The following RND3 variants were observed in gnomAD, a reference collection of about 807,000 sequenced individuals.
RND3 encodes rho-related GTP-binding protein RhoE.
A neutral mutation model predicts 26.5 loss-of-function variants in RND3; 8 were observed. The ratio of observed to expected loss-of-function variants is 0.30; its 90% CI spans 0.18 to 0.54. RND3 has a LOEUF of 0.54. Among genes scored for constraint, RND3 ranks in the 20% least tolerant of loss-of-function variants. The pLI is 0.94. For missense variants in RND3, 207 were observed against 302.8 expected, an observed-to-expected ratio of 0.68 and a Z score of 2.35; for synonymous variants, 113 against 113.0, an observed-to-expected ratio of 1.00 and a Z score of 0.00.
Position 150,474,779 on chromosome 2 carries a change from G to A in RND3, c.348+96C>T, listed in dbSNP as rs59994976. On this transcript the variant is annotated intron_variant, in intron 4 of 5. Coordinates refer to ENST00000263895, the MANE Select transcript of RND3 (RefSeq NM_005168.5). ...TGTTTAATTACAAATTGTAAGGCAG[G>A]GAATTGATTAGAGTCTTTGAGCTTC... is the stretch of plus-strand genomic sequence containing the variant. 3 of 626,198 alleles carry A rather than the reference G, an allele frequency of 4.8e-6. No individual in the cohort carries two copies. In the East Asian group the frequency reaches 8.8e-5, roughly 18 times the overall value. 38.8% of individuals were successfully genotyped at this position (626,198 alleles called of 1,614,324 possible).
At chr2:150,472,793 G>T (rs1264345131) in intron 4 of RND3, among the ~76,000 whole-genome samples, 1 of 152,076 alleles carries the variant, frequency 6.6e-6, no homozygotes, top group Admixed American at 6.6e-5. Flanking sequence ...AGAATACTGG[G>T]GGTGATGAAG....
chr2:150,482,735 G>GGGGGGGGGGGGGGGGGC (rs1686296666), intron 3 of RND3, among the ~76,000 whole-genome samples: 1 of 133,644 alleles, frequency 7.5e-6, no homozygotes, highest in African/African-American at 2.8e-5. Context: ...GGGTGGGGGG[G>GGGGGGGGGGGGGGGGGC]GCGGTGCGGG....
At chr2:150,474,733 G>T in intron 4 of RND3, 142 bp downstream of exon 4, 2 of 483,542 alleles carry the variant, frequency 4.1e-6, no homozygotes, top group Admixed American at 7.5e-5. Flanking sequence ...CCCCATTTTG[G>T]TGTGAAAGGG....
intron 3 of RND3, among the ~76,000 whole-genome samples, chr2:150,478,137 AG>A (rs1331084327): frequency 1.3e-5 from 2 of 152,128 alleles, no homozygotes; most frequent in African/African-American, 4.8e-5. Flanking sequence ...AGAATTATCA[AG>A]AACTGTCCCA....
chr2:150,469,883 G>T lies in RND3; in HGVS notation c.*104C>A. ...CCTCTCAAACGCCTCCTAAGCCTCTGGTATACATGACTTTGGCTGTGCACT... is the reference window on the plus strand; with the variant it reads ...CCTCTCAAACGCCTCCTAAGCCTCTTGTATACATGACTTTGGCTGTGCACT... On this transcript the variant is annotated 3_prime_UTR_variant, in exon 6 of 6. Coordinates refer to ENST00000263895, the MANE Select transcript of RND3 (RefSeq NM_005168.5). 7.5e-7 allele frequency: 1 copy of T among 1,341,842 alleles called. No individual in the cohort carries two copies. The allele number at this position is 1,341,842 out of a possible 1,614,324, so 83.1% of individuals were successfully genotyped here. A position where few individuals can be genotyped will look rare whatever the true frequency, so the allele number is the denominator to read the frequency against.
At chr2:150,484,949 A>G (rs886781219) in intron 3 of RND3, among the ~76,000 whole-genome samples, 1 of 152,194 alleles carries the variant, frequency 6.6e-6, no homozygotes, top group African/African-American at 2.4e-5. Flanking sequence ...TCGGTACCAC[A>G]CCAGCTGTGC....
Position 150,468,730 on chromosome 2 carries a change from A to G in RND3, c.*1257T>C, listed in dbSNP as rs1686033886. The G allele has an allele frequency of 1.3e-5, 2 of 152,628 alleles. No individual in the cohort carries two copies. Among genetic ancestry groups the G allele is most frequent in the African/African-American group, 4.8e-5 (2 of 41,456 alleles). 9.5% of individuals were successfully genotyped at this position (152,628 alleles called of 1,614,324 possible). A position where few individuals can be genotyped will look rare whatever the true frequency, so the allele number is the denominator to read the frequency against. ...TATCTGTAAACTATTTTAAATGCTT[A>G]TTATTTTACGTAACAACAGAGACCA... On this transcript the variant is annotated 3_prime_UTR_variant, in exon 6 of 6. Transcript: ENST00000263895.
chr2:150,486,726 T>C lies in RND3; in HGVS notation c.206A>G (p.Gln69Arg). 6.2e-7 allele frequency: 1 copy of C among 1,613,858 alleles called. No individual in the cohort carries two copies. The highest frequency in any genetic ancestry group is 8.5e-7 in the Non-Finnish European group (1 of 1,179,688). Residue 69 changes from glutamine to arginine, a missense_variant, in exon 3 of 6, where the codon CAA becomes CGA. Transcript: ENST00000263895. The surrounding 1 kb of genome is among the most constrained non-coding windows in gnomAD (Gnocchi z 4.5). The part of the protein sequence containing the change: ...NYTASFEIDT[Q>R]RIELSLWDTS... Reference sequence around the variant, plus strand: ...GTCCCACAGGCTCAACTCTATTCTTTGTGTGTCGATTTCAAAACTGGCCGT... The same window carrying C: ...GTCCCACAGGCTCAACTCTATTCTTCGTGTGTCGATTTCAAAACTGGCCGT...
chr2:150,477,934 G>A (rs1007736145), intron 3 of RND3, among the ~76,000 whole-genome samples: 1 of 152,190 alleles, frequency 6.6e-6, no homozygotes, highest in East Asian at 1.9e-4. Flanking sequence ...ATCAACACGA[G>A]TGTCCAAAGG....
At chr2:150,484,329 A>G (rs924713304) in intron 3 of RND3, among the ~76,000 whole-genome samples, 4 of 152,204 alleles carry the variant, frequency 2.6e-5, no homozygotes, top group African/African-American at 9.7e-5. Flanking sequence ...AACTGCCCAC[A>G]TTTTGGTTTA....
intron 3 of RND3, among the ~76,000 whole-genome samples, chr2:150,477,056 A>T (rs1294869796): frequency 6.6e-6 from 1 of 152,120 alleles, no homozygotes; most frequent in Non-Finnish European, 1.5e-5. Context: ...TATAAATGAG[A>T]GTTTCCTCTA....
chr2:150,479,292 C>T (rs906908473), intron 3 of RND3, among the ~76,000 whole-genome samples: 2 of 152,062 alleles, frequency 1.3e-5, no homozygotes, highest in African/African-American at 4.8e-5. Context: ...CTGAAGTCAC[C>T]CTTTCGCAAA....
chr2:150,480,653 G>A (rs1456785374), intron 3 of RND3, among the ~76,000 whole-genome samples: 4 of 125,292 alleles, frequency 3.2e-5, no homozygotes, highest in Admixed American at 9.4e-5. Context: ...CACTAAATGC[G>A]GCTAAAAAAA....
intron 3 of RND3, among the ~76,000 whole-genome samples, chr2:150,481,249 C>CT (rs1686265038): frequency 1.3e-5 from 2 of 152,166 alleles, no homozygotes. Context: ...CTCTTTGGAT[C>CT]TTGTTGCTCC....
In RND3 at chr2:150,478,921, G is replaced by A. The variant is rs943365225; in HGVS notation, c.239-3937C>T. Among the ~76,000 whole-genome samples the A allele has an allele frequency of 2.1e-4, 32 of 152,054 alleles. 1 individual carries two copies. The highest frequency in any genetic ancestry group is 7.5e-4 in the African/African-American group (31 of 41,398). Reference sequence around the variant, plus strand: ...GGTACTATATGAAACTTTTAAGCTCGCAACCCTATTCCAAGGTCCTTTTTA... The same window carrying A: ...GGTACTATATGAAACTTTTAAGCTCACAACCCTATTCCAAGGTCCTTTTTA... On this transcript the variant is annotated intron_variant, in intron 3 of 5. Coordinates refer to ENST00000263895, the MANE Select transcript of RND3 (RefSeq NM_005168.5).
chr2:150,478,563 C>T (rs916999256), intron 3 of RND3, among the ~76,000 whole-genome samples: 2 of 119,892 alleles, frequency 1.7e-5, no homozygotes, highest in African/African-American at 7.2e-5. Context: ...TTACAACACC[C>T]TGTGAAGCCA....
At chr2:150,473,245 G>T (rs1287601041) in intron 4 of RND3, among the ~76,000 whole-genome samples, 1 of 152,064 alleles carries the variant, frequency 6.6e-6, no homozygotes. Flanking sequence ...AACCGCAGGG[G>T]TTATCATGAG....
chr2:150,477,557 G>T lies in RND3; in HGVS notation c.239-2573C>A, dbSNP rs1277004147. On this transcript the variant is annotated intron_variant, in intron 3 of 5. Transcript: ENST00000263895. ...CCACCCATTTTATGGCCACAAAGGA[G>T]ATCTGGCTTTGTGCTCAGCCCTGAG... Among the ~76,000 whole-genome samples, 6 of 152,072 alleles carry T rather than the reference G, an allele frequency of 3.9e-5. No homozygotes were observed. The South Asian group carries it at 1.0e-3, about 26-fold the overall frequency.
chr2:150,470,522 C>A (rs1686069568), intron 5 of RND3, among the ~76,000 whole-genome samples: 1 of 152,100 alleles, frequency 6.6e-6, no homozygotes, highest in Non-Finnish European at 1.5e-5. Flanking sequence ...CTGATCTTAA[C>A]AAAGGAAGAC....
Sources: allele counts gnomAD v4.1 joint callset (sites outside exome capture counted in the v4.1 genomes callset), GRCh38; gene constraint gnomAD v4.1.1; non-coding constraint Gnocchi (gnomAD v3.1); transcripts MANE v1.5; gene names NCBI Gene and HGNC (gene_info 2026-07-23, HGNC 2026-07-21).